Variants in MYO3A observed in about 807,000 individuals in gnomAD.
MYO3A encodes the protein myosin IIIA.
Under a neutral mutation model 192.7 loss-of-function variants are expected in MYO3A, and 180 were observed. The ratio of observed to expected loss-of-function variants is 0.93; its 90% CI spans 0.83 to 1.06. MYO3A has a LOEUF of 1.06. Among genes scored for constraint, MYO3A ranks in the 50% least tolerant of loss-of-function variants. MYO3A has a pLI of 0.00. For missense variants in MYO3A, 1,896 were observed against 1,905.0 expected (o/e 1.00, Z 0.09); for synonymous variants, 628 against 645.3 (o/e 0.97, Z 0.41).
intron 4 of MYO3A, among the ~76,000 whole-genome samples, chr10:25,962,472 G>A (rs994717140): frequency 6.6e-6 from 1 of 152,038 alleles, no homozygotes; most frequent in African/African-American, 2.4e-5. Context: ...GAACATCTAC[G>A]GGGAGTTTTG....
At chr10:25,969,098 G>T (rs1838451018) in intron 4 of MYO3A, among the ~76,000 whole-genome samples, 1 of 152,110 alleles carries the variant, frequency 6.6e-6, no homozygotes, top group Admixed American at 6.6e-5. Flanking sequence ...AATTAGCCGG[G>T]TGAGGTGGCG....
intron 12 of MYO3A, among the ~76,000 whole-genome samples, chr10:26,069,358 G>T (rs1184978273): frequency 6.6e-6 from 1 of 151,966 alleles, no homozygotes; most frequent in African/African-American, 2.4e-5. Context: ...TCACAAACAT[G>T]TTTTATGAAT....
intron 26 of MYO3A, among the ~76,000 whole-genome samples, chr10:26,158,265 T>A (rs1002929603): frequency 6.6e-6 from 1 of 151,976 alleles, no homozygotes; most frequent in African/African-American, 2.4e-5. Context: ...TTTTTTTTTT[T>A]TTTTTGAGAC....
intron 14 of MYO3A, among the ~76,000 whole-genome samples, chr10:26,077,258 A>T (rs1835649782): frequency 1.9e-4 from 4 of 21,324 alleles, no homozygotes; most frequent in Admixed American, 4.5e-4. Context: ...TTTTTTTTGC[A>T]GCTGTTGTAA....
At chr10:25,942,564 G>A (rs1198655768) in intron 2 of MYO3A, among the ~76,000 whole-genome samples, 1 of 152,210 alleles carries the variant, frequency 6.6e-6, no homozygotes, top group Non-Finnish European at 1.5e-5. Flanking sequence ...CAATGCGCAA[G>A]AGTTCCAATT....
chr10:25,981,728 A>T (rs1564425895), intron 4 of MYO3A, among the ~76,000 whole-genome samples: 1 of 152,222 alleles, frequency 6.6e-6, no homozygotes, highest in Non-Finnish European at 1.5e-5. Flanking sequence ...TCACAATGAG[A>T]TACTAGTACT....
intron 8 of MYO3A, chr10:26,023,610 C>T (rs1329782796): frequency 9.0e-6 from 2 of 221,324 alleles, no homozygotes; most frequent in Non-Finnish European, 1.8e-5. Context: ...CCCTGGCACA[C>T]CTTCCTCCAT....
rs866199403 is a variant in MYO3A, at chr10:26,074,700, T to C, written c.1359+4299T>C. Among the ~76,000 whole-genome samples, 3 of 150,816 alleles carry C rather than the reference T, an allele frequency of 2.0e-5. 1 individual carries two copies. In the South Asian group the frequency reaches 6.2e-4, roughly 31 times the overall value. On this transcript the variant is annotated intron_variant, in intron 14 of 34. Transcript: ENST00000642920. Reference sequence around the variant, plus strand: ...TCCTAATCCACAGGCTGCCATTTCATTTTGGTGATTGTTTCCTTTGCCATG... The same window carrying C: ...TCCTAATCCACAGGCTGCCATTTCACTTTGGTGATTGTTTCCTTTGCCATG...
intron 17 of MYO3A, among the ~76,000 whole-genome samples, chr10:26,117,035 G>C (rs1838549531): frequency 6.6e-6 from 1 of 152,188 alleles, no homozygotes; most frequent in Admixed American, 6.5e-5. Context: ...CTGATATTTA[G>C]TTGTGATACT....
intron 2 of MYO3A, among the ~76,000 whole-genome samples, chr10:25,950,877 T>C (rs979830387): frequency 5.3e-5 from 8 of 152,108 alleles, no homozygotes; most frequent in African/African-American, 1.9e-4. Flanking sequence ...GAGTGTGGTT[T>C]GTATAGATAA....
intron 32 of MYO3A, among the ~76,000 whole-genome samples, chr10:26,198,741 A>C (rs531376877): frequency 6.6e-6 from 1 of 152,276 alleles, no homozygotes; most frequent in African/African-American, 2.4e-5. Flanking sequence ...AAGTCTTCAG[A>C]GCTAAGACAC....
chr10:26,138,952 T>G (rs2131820275), intron 20 of MYO3A, among the ~76,000 whole-genome samples: 1 of 152,310 alleles, frequency 6.6e-6, no homozygotes, highest in East Asian at 1.9e-4. Context: ...CCTGGAGCCT[T>G]TCCCTTCATT....
intron 18 of MYO3A, among the ~76,000 whole-genome samples, chr10:26,125,030 TAATG>T (rs1416893229): frequency 6.6e-6 from 1 of 152,182 alleles, no homozygotes; most frequent in Admixed American, 6.5e-5. Flanking sequence ...ATGTATATAA[TAATG>T]GTATCCAAAT....
At chr10:25,948,711 A>C (rs1340644417) in intron 2 of MYO3A, among the ~76,000 whole-genome samples, 3 of 152,102 alleles carry the variant, frequency 2.0e-5, no homozygotes, top group African/African-American at 7.2e-5. Flanking sequence ...TGTATGGAAA[A>C]AGTGTAGTTT....
intron 29 of MYO3A, among the ~76,000 whole-genome samples, chr10:26,171,485 C>T (rs1842043257): frequency 6.6e-6 from 1 of 152,180 alleles, no homozygotes; most frequent in Admixed American, 6.5e-5. Context: ...CCACCTCTTC[C>T]CCTCACCTTC....
Position 25,959,265 on chromosome 10 carries a change from A to G in MYO3A, c.303+4257A>G, listed in dbSNP as rs72789934. 3.2e-3 allele frequency among the ~76,000 whole-genome samples: 480 copies of G among 152,282 alleles called. 1 individual carries two copies. The highest frequency in any genetic ancestry group is 4.7e-3 in the Non-Finnish European group (323 of 68,012). On this transcript the variant is annotated intron_variant, in intron 4 of 34. Coordinates refer to ENST00000642920, the MANE Select transcript of MYO3A (RefSeq NM_017433.5). Reference sequence around the variant, plus strand: ...TGTTGACAACATTACTTATGAAATTATCCTATATTCTTACTTAATGTAACT... The same window carrying G: ...TGTTGACAACATTACTTATGAAATTGTCCTATATTCTTACTTAATGTAACT...
chr10:25,940,190 A>G (rs533413147), intron 2 of MYO3A, among the ~76,000 whole-genome samples: 1 of 152,014 alleles, frequency 6.6e-6, no homozygotes, highest in Non-Finnish European at 1.5e-5. Flanking sequence ...CTGGTATATT[A>G]TAATGATTTC....
intron 14 of MYO3A, among the ~76,000 whole-genome samples, chr10:26,085,674 CCT>C (rs1213833562): frequency 6.6e-6 from 1 of 152,142 alleles, no homozygotes; most frequent in Non-Finnish European, 1.5e-5. Flanking sequence ...GGCCTGCGGC[CCT>C]CTGAGAGCAG....
chr10:26,059,793 A>G (rs75376330), intron 10 of MYO3A, among the ~76,000 whole-genome samples: 9,284 of 152,352 alleles, frequency 0.061, 370 homozygotes, highest in Non-Finnish European at 0.088. Context: ...ACACTTGGGA[A>G]AATGCTTGCA....
Sources: gnomAD v4.1 joint callset for allele counts (sites outside exome capture counted in the v4.1 genomes callset) on GRCh38, gnomAD v4.1.1 for gene constraint, MANE v1.5 for transcripts, NCBI Gene and HGNC (gene_info 2026-07-23, HGNC 2026-07-21) for gene names.